The following PGS1 variants were observed in gnomAD, a reference collection of about 807,000 sequenced individuals.
PGS1 encodes the protein phosphatidylglycerophosphate synthase 1.
Under a neutral mutation model 58.3 loss-of-function variants are expected in PGS1, and 44 were observed. The observed-to-expected ratio is 0.75, with a 90% CI of 0.59 to 0.97. The LOEUF is 0.97. Ranked by LOEUF, PGS1 falls within the 50% of genes least tolerant of loss-of-function variation. The pLI is 0.00. For missense variants in PGS1, 684 were observed against 731.1 expected (o/e 0.94, Z 0.74); for synonymous variants, 330 against 311.0 (o/e 1.06, Z -0.64).
chr17:78,396,445 G>T, intron 3 of PGS1, 60 bp downstream of exon 3: 1 of 1,199,584 alleles, frequency 8.3e-7, no homozygotes, highest in Non-Finnish European at 1.2e-6. Context: ...ACATGCCACA[G>T]CTTTTTGTGC....
chr17:78,400,709 G>T lies in PGS1; in HGVS notation c.734G>T (p.Arg245Leu). The change falls in exon 6 of 10, where the codon CGC becomes CTC. Residue 245 changes from arginine (R) to leucine (L), a missense_variant. Transcript: ENST00000262764. This position sits in a 1 kb window ranked among gnomAD's most constrained non-coding sequence, Gnocchi z 4.4. ...CTGAGTGACTCCTACTTCACCAACC[G>T]CCAGGACCGCTACGTGTTCCTGCAG... Reference protein sequence around the residue: ...ANLSDSYFTNRQDRYVFLQDC... With the variant: ...ANLSDSYFTNLQDRYVFLQDC... 1.2e-6 allele frequency: 2 copies of T among 1,613,702 alleles called. No individual in the cohort carries two copies. Among genetic ancestry groups the T allele is most frequent in the Non-Finnish European group, 1.7e-6 (2 of 1,179,880 alleles).
chr17:78,385,982 G>A (rs982897871), intron 1 of PGS1, among the ~76,000 whole-genome samples: 1 of 152,166 alleles, frequency 6.6e-6, no homozygotes, highest in African/African-American at 2.4e-5. Flanking sequence ...AAGATGATGG[G>A]AAGAAACTTT....
intron 8 of PGS1, among the ~76,000 whole-genome samples, chr17:78,417,685 C>G (rs1208823374): frequency 1.3e-5 from 2 of 152,030 alleles, no homozygotes; most frequent in African/African-American, 4.8e-5. Context: ...GCGGTTGGCA[C>G]TGTGCTTCTG....
chr17:78,399,772 G>A lies in PGS1; in HGVS notation c.701+235G>A, dbSNP rs137883477. On this transcript the variant is annotated intron_variant, in intron 5 of 9. Coordinates refer to ENST00000262764, the MANE Select transcript of PGS1 (RefSeq NM_024419.5). ...GCACTTAGTCTGTGCTGGCCACTCA[G>A]GTATGTTGTCTGTTTCCACCCTCAG... is the stretch of plus-strand genomic sequence containing the variant. Among the ~76,000 whole-genome samples the A allele has an allele frequency of 3.2e-4, 49 of 152,322 alleles. 2 individuals carry two copies. In the East Asian group the frequency reaches 4.8e-3, roughly 15 times the overall value.
At position 78,398,279 on chromosome 17, in the gene PGS1, A is replaced by G. The variant is rs767307524; in HGVS notation, c.439A>G (p.Lys147Glu). 1.4e-5 allele frequency: 23 copies of G among 1,613,730 alleles called. No homozygotes were observed. The South Asian group carries it at 2.5e-4, about 18-fold the overall frequency. ...GGACTGCCTGGAAAGTACTCTAGAAAAGTCACTCCAAGCAAAGTTTCCTTC... is the reference window on the plus strand; with the variant it reads ...GGACTGCCTGGAAAGTACTCTAGAAGAGTCACTCCAAGCAAAGTTTCCTTC... ...LVDCLESTLE[K>E]SLQAKFPSNL... is the part of the protein sequence containing the mutation. Residue 147 changes from lysine to glutamate, a missense_variant, in exon 4 of 10, where the codon AAG (lysine) becomes GAG (glutamate). Transcript: ENST00000262764.
rs540709456 is a variant in PGS1 at position 78,410,193 on chromosome 17, A to G, written c.1403-4686A>G. ...CTGTAATCCCAGCACTTTGGGAGGC[A>G]GAGGCGGGTGGATCACCTGAGGTCA... On this transcript the variant is annotated intron_variant, in intron 7 of 9. Coordinates refer to ENST00000262764, the MANE Select transcript of PGS1 (RefSeq NM_024419.5). Among the ~76,000 whole-genome samples, 31 of 152,274 alleles carry G rather than the reference A, an allele frequency of 2.0e-4. No homozygotes were observed. The East Asian group carries it at 5.8e-3, about 29-fold the overall frequency.
rs993446773 is a variant in PGS1 at position 78,419,703 on chromosome 17, A to G, written c.*10+28A>G. On this transcript the variant is annotated intron_variant, in intron 9 of 9. Coordinates refer to ENST00000262764, the MANE Select transcript of PGS1 (RefSeq NM_024419.5). ...GCTGTCTCTAGCATCACCTCTCAGC[A>G]CGATTTTCCCGAGAGTTCACAGGTG... 3 of 1,610,880 alleles carry G rather than the reference A, an allele frequency of 1.9e-6. No homozygotes were observed. In the African/African-American group the frequency reaches 4.0e-5, roughly 22 times the overall value.
intron 7 of PGS1, among the ~76,000 whole-genome samples, chr17:78,408,709 G>A (rs2084369750): frequency 6.6e-6 from 1 of 152,192 alleles, no homozygotes; most frequent in East Asian, 1.9e-4. Flanking sequence ...CACCTGCATC[G>A]CCTTGGCTTT....
In PGS1 at chr17:78,424,146, G is replaced by A; in HGVS notation, c.*96G>A. The A allele has an allele frequency of 6.2e-7, 1 of 1,610,576 alleles. No individual in the cohort carries two copies. Among genetic ancestry groups the A allele is most frequent in the Non-Finnish European group, 8.5e-7 (1 of 1,178,722 alleles). ...CGATGACTCCAGTCTGGGTGTCCCA[G>A]CGAGCCCCTGCAGGGACAGTATGGC... On this transcript the variant is annotated 3_prime_UTR_variant, in exon 10 of 10. Transcript: ENST00000262764.
At chr17:78,411,996 C>T (rs917118758) in intron 7 of PGS1, among the ~76,000 whole-genome samples, 4 of 133,524 alleles carry the variant, frequency 3.0e-5, no homozygotes, top group African/African-American at 1.1e-4. Flanking sequence ...TCACTGCAGG[C>T]TTGACCTCTG....
At chr17:78,381,885 C>G (rs978280060) in intron 1 of PGS1, among the ~76,000 whole-genome samples, 5 of 152,132 alleles carry the variant, frequency 3.3e-5, no homozygotes, top group African/African-American at 1.2e-4. Flanking sequence ...ACTGCTGGAT[C>G]CGTTAATTTA....
chr17:78,379,549 G>A (rs999059143), intron 1 of PGS1, among the ~76,000 whole-genome samples: 3 of 152,082 alleles, frequency 2.0e-5, no homozygotes, highest in Admixed American at 6.5e-5. Flanking sequence ...TTCTTGGCCG[G>A]GTGTGGTGGC....
intron 8 of PGS1, among the ~76,000 whole-genome samples, chr17:78,417,925 TA>T (rs1165550890): frequency 6.3e-5 from 6 of 95,878 alleles, no homozygotes; most frequent in Admixed American, 3.2e-4. Context: ...AAAGCATATA[TA>T]AATTTTTTTT....
chr17:78,378,815 G>A lies in PGS1; in HGVS notation c.143+7G>A. 1.4e-6 allele frequency: 2 copies of A among 1,440,496 alleles called. No homozygotes were observed. Among genetic ancestry groups the A allele is most frequent in the African/African-American group, 1.5e-5 (1 of 67,178 alleles). The allele number at this position is 1,440,496 out of a possible 1,614,324, so 89.2% of individuals were successfully genotyped here. ...GGGACCGCCAGCGCAGGAGGTGAGA[G>A]GGGCGGCCGGGATGAGAGTGCAGCC... is the stretch of plus-strand genomic sequence containing the variant. On this transcript the variant is annotated splice_region_variant and intron_variant, in intron 1 of 9. Transcript: ENST00000262764.
At position 78,419,650 on chromosome 17, in the gene PGS1, C is replaced by G; in HGVS notation, c.1656C>G (p.Ile552Met). Residue 552 changes from isoleucine (I) to methionine (M), a missense_variant, in exon 9 of 10, where the codon ATC (isoleucine) becomes ATG (methionine). Coordinates refer to ENST00000262764, the MANE Select transcript of PGS1 (RefSeq NM_024419.5). Reference protein sequence around the residue: ...KLWVKMVTPLIKNFF With the variant: ...KLWVKMVTPLMKNFF ...GGGTGAAGATGGTGACTCCACTGATCAAGAACTTCTTCTGAGGACAGACAG... is the reference window on the plus strand; with the variant it reads ...GGGTGAAGATGGTGACTCCACTGATGAAGAACTTCTTCTGAGGACAGACAG... The G allele has an allele frequency of 3.7e-6, 6 of 1,614,044 alleles. No individual in the cohort carries two copies. The highest frequency in any genetic ancestry group is 4.5e-5 in the East Asian group (2 of 44,882).
intron 1 of PGS1, among the ~76,000 whole-genome samples, chr17:78,387,975 C>T (rs2082533455): frequency 6.6e-6 from 1 of 152,188 alleles, no homozygotes; most frequent in African/African-American, 2.4e-5. Flanking sequence ...CTGTGTAAAA[C>T]ACTCAGCTCC....
chr17:78,405,412 A>G (rs1473348274), intron 7 of PGS1, among the ~76,000 whole-genome samples: 2 of 152,072 alleles, frequency 1.3e-5, no homozygotes, highest in African/African-American at 4.8e-5. Flanking sequence ...CCTATATGCC[A>G]ATGTCTGCCT....
Position 78,392,558 on chromosome 17 carries a change from G to T in PGS1, c.226G>T (p.Gly76Cys), listed in dbSNP as rs924934762. The T allele has an allele frequency of 1.9e-6, 3 of 1,614,090 alleles. No individual in the cohort carries two copies. The African/African-American group carries it at 4.0e-5, about 22-fold the overall frequency. ...CCCACCTTGCTGCCTGTGTCCAGAA[G>T]GCGTGCACCGGTTCCAGTGGATCAG... ...TSPPCCLCPE[G>C]VHRFQWIRNL... Residue 76 changes from glycine (G) to cysteine (C), a missense_variant, in exon 2 of 10, where the codon GGC becomes TGC. Transcript: ENST00000262764.
intron 1 of PGS1, among the ~76,000 whole-genome samples, chr17:78,390,841 G>A (rs913319793): frequency 6.6e-6 from 1 of 152,172 alleles, no homozygotes; most frequent in African/African-American, 2.4e-5. Flanking sequence ...GTCCGCTGGG[G>A]TGCAGCTTTA....
Sources: gnomAD v4.1 joint callset for allele counts (sites outside exome capture counted in the v4.1 genomes callset) on GRCh38, gnomAD v4.1.1 for gene constraint, Gnocchi (gnomAD v3.1) non-coding constraint, MANE v1.5 for transcripts, NCBI Gene and HGNC (gene_info 2026-07-23, HGNC 2026-07-21) for gene names.